ERBB4: variants seen among roughly 807,000 people sequenced by gnomAD.
ERBB4 encodes the protein erb-b2 receptor tyrosine kinase 4, also known as receptor tyrosine-protein kinase erbB-4.
A neutral mutation model predicts 158.0 loss-of-function variants in ERBB4; 42 were observed. The observed-to-expected ratio is 0.27, with a 90% confidence interval of 0.21 to 0.34. The LOEUF (loss-of-function observed/expected upper bound fraction) is 0.34. Ranked by LOEUF, ERBB4 falls within the 10% of genes least tolerant of loss-of-function variation. The pLI, the probability that ERBB4 is intolerant of heterozygous loss-of-function variation, is 1.00. For missense variants in ERBB4, 1,333 were observed against 1,624.1 expected (o/e 0.82, Z 3.08); for synonymous variants, 583 against 558.7 (o/e 1.04, Z -0.61).
At chr2:211,439,497 T>C (rs564225455) in intron 20 of ERBB4, among the ~76,000 whole-genome samples, 1 of 152,220 alleles carries the variant, frequency 6.6e-6, no homozygotes, top group African/African-American at 2.4e-5. Flanking sequence ...GTTTCATATA[T>C]GGCTTGTAAT....
Position 211,720,333 on chromosome 2 carries a change from T to C in ERBB4, c.883+2060A>G, listed in dbSNP as rs2074054176. Among the ~76,000 whole-genome samples, 3 of 152,200 alleles carry C rather than the reference T, an allele frequency of 2.0e-5. No individual in the cohort carries two copies. In the South Asian group the frequency reaches 6.2e-4, roughly 31 times the overall value. On this transcript the variant is annotated intron_variant, in intron 7 of 27. Transcript: ENST00000342788. ...GGGCTGTCTAATGAACTGTGGTCAA[T>C]GCCTTTGTGGAGGAGCAATGTTAAA...
intron 5 of ERBB4, among the ~76,000 whole-genome samples, chr2:211,738,880 C>T (rs1162420676): frequency 6.6e-6 from 1 of 152,198 alleles, no homozygotes; most frequent in East Asian, 1.9e-4. Context: ...CTCAAGTGAT[C>T]CACCTGCCTT....
chr2:211,906,247 TC>T (rs2079389566), intron 3 of ERBB4, among the ~76,000 whole-genome samples: 1 of 152,110 alleles, frequency 6.6e-6, no homozygotes, highest in Non-Finnish European at 1.5e-5. Flanking sequence ...CATGTAGGAT[TC>T]TGCATATATT....
intron 16 of ERBB4, among the ~76,000 whole-genome samples, chr2:211,642,003 T>C (rs531007899): frequency 1.1e-3 from 174 of 152,222 alleles, no homozygotes; most frequent in African/African-American, 3.6e-3. Context: ...ATAAAGTGAA[T>C]GAAATAGTTA....
At chr2:211,959,561 G>A (rs2081125366) in intron 2 of ERBB4, among the ~76,000 whole-genome samples, 1 of 151,924 alleles carries the variant, frequency 6.6e-6, no homozygotes, top group Non-Finnish European at 1.5e-5. Context: ...TTGTGTGTTT[G>A]TCTTCAGGAC....
In ERBB4 at chr2:212,267,184, T is replaced by A. The variant is rs192650571; in HGVS notation, c.83-142281A>T. On this transcript the variant is annotated intron_variant, in intron 1 of 27. Transcript: ENST00000342788. ...CTTAATCAAATGGGAAAAGTTAAATTGAAGAGCTGCTTTGTGAACATGCAT... is the reference window on the plus strand; with the variant it reads ...CTTAATCAAATGGGAAAAGTTAAATAGAAGAGCTGCTTTGTGAACATGCAT... 6.6e-5 allele frequency among the ~76,000 whole-genome samples: 10 copies of A among 152,142 alleles called. No individual in the cohort carries two copies. In the East Asian group the frequency reaches 1.5e-3, roughly 24 times the overall value.
At chr2:212,413,041 C>T (rs1326838697) in intron 1 of ERBB4, among the ~76,000 whole-genome samples, 1 of 151,590 alleles carries the variant, frequency 6.6e-6, no homozygotes, top group East Asian at 1.9e-4. Context: ...GATCTCGGCT[C>T]ACTGCAACCT....
At chr2:212,257,713 CT>C (rs2084792809) in intron 1 of ERBB4, among the ~76,000 whole-genome samples, 2 of 152,124 alleles carry the variant, frequency 1.3e-5, no homozygotes, top group South Asian at 4.1e-4. Context: ...AAATTCAACT[CT>C]CTTAATGAAG....
intron 1 of ERBB4, among the ~76,000 whole-genome samples, chr2:212,191,943 CATATGTTATATATGTTAT>C (rs1221077309): frequency 1.0e-5 from 1 of 96,232 alleles, no homozygotes; most frequent in Non-Finnish European, 2.0e-5. Context: ...ATATATGATG[CATATGTTATATATGTTAT>C]ATATGTTATA....
chr2:212,489,485 T>C (rs1690157273), intron 1 of ERBB4, among the ~76,000 whole-genome samples: 1 of 151,988 alleles, frequency 6.6e-6, no homozygotes, highest in Non-Finnish European at 1.5e-5. Flanking sequence ...TTCCATGGGA[T>C]ATTCTTCCTC....
chr2:211,618,136 AT>A (rs1227540179), intron 19 of ERBB4, among the ~76,000 whole-genome samples: 1 of 152,022 alleles, frequency 6.6e-6, no homozygotes, highest in African/African-American at 2.4e-5. Flanking sequence ...AATTAAAAAA[AT>A]AAATGTCAAG....
chr2:211,443,426 A>G (rs1279149153), intron 20 of ERBB4, among the ~76,000 whole-genome samples: 1 of 152,046 alleles, frequency 6.6e-6, no homozygotes. Context: ...GCTAAATGCT[A>G]TCGGTTTTCC....
At chr2:211,914,858 T>C (rs1012709517) in intron 3 of ERBB4, among the ~76,000 whole-genome samples, 3 of 152,138 alleles carry the variant, frequency 2.0e-5, no homozygotes, top group African/African-American at 7.2e-5. Context: ...TTACTATGTA[T>C]ATTTTATGGA....
rs186383468 is a variant in ERBB4, at chr2:211,623,227, C to T, written c.2202+695G>A. ...GGCAAATAAGTAAACATACACATGC[C>T]ATCATTTGAGCTTTTCCTTTCCAGA... On this transcript the variant is annotated intron_variant, in intron 18 of 27. Transcript: ENST00000342788. Among the ~76,000 whole-genome samples the T allele has an allele frequency of 3.3e-4, 50 of 151,240 alleles. No homozygotes were observed. In the East Asian group the frequency reaches 9.8e-3, roughly 30 times the overall value.
intron 1 of ERBB4, among the ~76,000 whole-genome samples, chr2:212,185,614 G>C (rs902061192): frequency 6.6e-6 from 1 of 152,032 alleles, no homozygotes; most frequent in Non-Finnish European, 1.5e-5. Context: ...GAGATCTTAA[G>C]TAGGGTCCAC....
At chr2:211,928,027 A>G (rs534554114) in intron 3 of ERBB4, among the ~76,000 whole-genome samples, 1 of 152,264 alleles carries the variant, frequency 6.6e-6, no homozygotes, top group African/African-American at 2.4e-5. Context: ...TTTAAGTACC[A>G]TATTTTCCAT....
intron 20 of ERBB4, among the ~76,000 whole-genome samples, chr2:211,439,945 AT>A (rs1476823974): frequency 6.6e-6 from 1 of 152,024 alleles, no homozygotes; most frequent in African/African-American, 2.4e-5. Flanking sequence ...TGCTCCTTAC[AT>A]TTTCTTCAGA....
intron 4 of ERBB4, chr2:211,778,898 G>A (rs2075964925): frequency 6.6e-6 from 1 of 152,224 alleles, no homozygotes; most frequent in East Asian, 1.9e-4. Context: ...ACTATTAACT[G>A]ACAATAACCT....
intron 1 of ERBB4, among the ~76,000 whole-genome samples, chr2:212,175,434 T>C (rs926529614): frequency 3.9e-5 from 6 of 151,908 alleles, no homozygotes; most frequent in Admixed American, 2.6e-4. Flanking sequence ...AGGGTAGTCA[T>C]GGTTAGAAAA....
Sources: allele counts gnomAD v4.1 joint callset (sites outside exome capture counted in the v4.1 genomes callset), GRCh38; gene constraint gnomAD v4.1.1; transcripts MANE v1.5; gene names NCBI Gene and HGNC (gene_info 2026-07-23, HGNC 2026-07-21).